The following RLF variants were observed in gnomAD, a reference collection of about 807,000 sequenced individuals.
The protein encoded by RLF is RLF zinc finger, also known as zinc finger protein Rlf.
In RLF, 7 loss-of-function variants were observed where a neutral mutation model predicts 162.9. The observed-to-expected ratio is 0.04, with a 90% CI of 0.02 to 0.08. The LOEUF (loss-of-function observed/expected upper bound fraction) is 0.08, where lower values mean the gene tolerates loss of function less well. Ranked by LOEUF, RLF falls within the 10% of genes least tolerant of loss-of-function variation. The pLI is 1.00. For synonymous variants in RLF, 782 were observed against 791.5 expected (o/e 0.99, Z 0.20); for missense variants, 1,664 against 2,244.7 (o/e 0.74, Z 5.23).
chr1:40,193,552 A>G (rs1345149696), intron 3 of RLF, among the ~76,000 whole-genome samples: 2 of 152,192 alleles, frequency 1.3e-5, no homozygotes, highest in Non-Finnish European at 1.5e-5. Flanking sequence ...AACTTTTCAC[A>G]TGGACTTTTT....
At chr1:40,205,485 C>CTTT (rs36038824) in intron 5 of RLF, among the ~76,000 whole-genome samples, 204 of 106,908 alleles carry the variant, frequency 1.9e-3, no homozygotes, top group Middle Eastern at 5.1e-3. Context: ...TTCCTTCCTT[C>CTTT]TTTTTTTTTT....
At chr1:40,201,101 T>C (rs1025357292) in intron 4 of RLF, among the ~76,000 whole-genome samples, 1 of 76,074 alleles carries the variant, frequency 1.3e-5, no homozygotes, top group African/African-American at 5.1e-5. Flanking sequence ...CCTGGGAGCT[T>C]GTGAGAAAAG....
intron 3 of RLF, among the ~76,000 whole-genome samples, chr1:40,192,140 G>A (rs2124536615): frequency 6.6e-6 from 1 of 152,256 alleles, no homozygotes; most frequent in South Asian, 2.1e-4. Flanking sequence ...CCTATTTAAA[G>A]CCCTGTAATG....
chr1:40,163,989 T>C (rs1464085849), intron 1 of RLF, among the ~76,000 whole-genome samples: 2 of 152,248 alleles, frequency 1.3e-5, no homozygotes, highest in African/African-American at 4.8e-5. Flanking sequence ...GTAAATTTTG[T>C]TGAATAGCTC....
intron 1 of RLF, among the ~76,000 whole-genome samples, chr1:40,170,937 ATTG>A (rs370148904): frequency 6.6e-6 from 1 of 152,010 alleles, no homozygotes; most frequent in African/African-American, 2.4e-5. Context: ...TTTGAGTGCT[ATTG>A]TTATTATTAT....
rs1262215887 is a variant in RLF, at chr1:40,237,845, T to C, written c.3143T>C (p.Ile1048Thr). 2.5e-6 allele frequency: 4 copies of C among 1,614,016 alleles called. No individual in the cohort carries two copies. Among genetic ancestry groups the C allele is most frequent in the African/African-American group, 1.3e-5 (1 of 74,930 alleles). ...EHQGYSSESS[I>T]CASKRPCTED... ...CAAGGTTATTCCTCAGAATCCTCCA[T>C]TTGTGCTTCTAAAAGGCCCTGTACA... The change falls in exon 8 of 8, where the codon ATT (isoleucine) becomes ACT (threonine). Residue 1048 changes from isoleucine (I) to threonine (T), a missense_variant. Transcript: ENST00000372771. This position sits in a 1 kb window ranked among gnomAD's most constrained non-coding sequence, Gnocchi z 4.4.
intron 4 of RLF, among the ~76,000 whole-genome samples, chr1:40,196,221 C>T (rs769542116): frequency 1.5e-4 from 23 of 151,532 alleles, no homozygotes; most frequent in Non-Finnish European, 2.8e-4. Context: ...TACAGGCGCG[C>T]GCCACCACGC....
chr1:40,188,871 A>G (rs1006227248), intron 1 of RLF, among the ~76,000 whole-genome samples, 184 bp from the exon 2 acceptor site: 1 of 152,238 alleles, frequency 6.6e-6, no homozygotes, highest in Non-Finnish European at 1.5e-5. Context: ...TCTTTAACTC[A>G]GCAGAAATCA....
At chr1:40,195,214 G>C (rs1040849167) in intron 3 of RLF, among the ~76,000 whole-genome samples, 26 of 151,674 alleles carry the variant, frequency 1.7e-4, no homozygotes, top group African/African-American at 5.8e-4. Flanking sequence ...ACTTTGGGAG[G>C]CCGAGGCGGG....
At chr1:40,216,871 G>A (rs1642931477) in intron 5 of RLF, among the ~76,000 whole-genome samples, 2 of 152,026 alleles carry the variant, frequency 1.3e-5, no homozygotes, top group African/African-American at 4.8e-5. Flanking sequence ...GGACAACATG[G>A]TGAAACCCCG....
Position 40,237,564 on chromosome 1 carries a change from T to G in RLF, c.2862T>G (p.Phe954Leu), listed in dbSNP as rs779843475. 1 of 1,614,184 alleles carries G rather than the reference T, an allele frequency of 6.2e-7. No homozygotes were observed. The highest frequency in any genetic ancestry group is 8.5e-7 in the Non-Finnish European group (1 of 1,179,994). ...SMAVCFDGTK[F>L]TCGFDGCGST... ...CAGTTTGTTTTGACGGGACTAAGTT[T>G]ACCTGTGGTTTTGATGGCTGTGGTT... The change falls in exon 8 of 8, where the codon TTT (phenylalanine) becomes TTG (leucine). Residue 954 changes from phenylalanine (F) to leucine (L), a missense_variant. By Grantham distance (22) the Phe-to-Leu change is conservative (BLOSUM62 0). Transcript: ENST00000372771. This position sits in a 1 kb window ranked among gnomAD's most constrained non-coding sequence, Gnocchi z 4.4.
chr1:40,200,794 A>G (rs1035342451), intron 4 of RLF, among the ~76,000 whole-genome samples: 6 of 147,054 alleles, frequency 4.1e-5, no homozygotes, highest in African/African-American at 1.5e-4. Flanking sequence ...TTAAAGGATA[A>G]TGTTACGATT....
At position 40,236,515 on chromosome 1, in the gene RLF, G is replaced by A; in HGVS notation, c.1813G>A (p.Val605Ile). ...EMFVPHVMEH[V>I]KMPPSRRDRS... The stretch of plus-strand genomic sequence containing the variant: ...GTTTGTTCCTCATGTGATGGAGCAT[G>A]TTAAAATGCCACCAAGCAGAAGGGA... Residue 605 changes from valine to isoleucine, a missense_variant, in exon 8 of 8, where the codon GTT (valine) becomes ATT (isoleucine). By Grantham distance (29) the Val-to-Ile change is conservative. Around this residue, in one of 15 missense-constraint regions of RLF, gnomAD observed 31 missense variants for 80.5 expected, o/e 0.39. Transcript: ENST00000372771. This position sits in a 1 kb window ranked among gnomAD's most constrained non-coding sequence, Gnocchi z 7.7. 6.2e-7 allele frequency: 1 copy of A among 1,613,878 alleles called. No homozygotes were observed. Among genetic ancestry groups the A allele is most frequent in the Non-Finnish European group, 8.5e-7 (1 of 1,179,962 alleles).
Position 40,239,680 on chromosome 1 carries a change from G to T in RLF, c.4978G>T (p.Val1660Leu), listed in dbSNP as rs896864149. Residue 1660 changes from valine (V) to leucine (L), a missense_variant, in exon 8 of 8, where the codon GTA (valine) becomes TTA (leucine). Around this residue, in one of 15 missense-constraint regions of RLF, gnomAD observed 327 missense variants for 342.7 expected, o/e 0.95. Transcript: ENST00000372771. Reference sequence around the variant, plus strand: ...GAAAGGGTGCATAGAAAGCAGCTCAGTATTTGATGCAGATACTCTGCTCTA... The same window carrying T: ...GAAAGGGTGCATAGAAAGCAGCTCATTATTTGATGCAGATACTCTGCTCTA... Reference protein sequence around the residue: ...GQKGCIESSSVFDADTLLYRG... With the variant: ...GQKGCIESSSLFDADTLLYRG... 1 of 1,614,212 alleles carries T rather than the reference G, an allele frequency of 6.2e-7. No homozygotes were observed. The highest frequency in any genetic ancestry group is 8.5e-7 in the Non-Finnish European group (1 of 1,180,040).
chr1:40,230,757 G>A lies in RLF; in HGVS notation c.948-760G>A, dbSNP rs534294822. Among the ~76,000 whole-genome samples the A allele has an allele frequency of 3.3e-5, 5 of 152,200 alleles. No individual in the cohort carries two copies. In the East Asian group the frequency reaches 9.6e-4, roughly 29 times the overall value. ...CGGCCTCTTTTTAGTTTTGCTATTA[G>A]AAGTGATAACATTCTTTTTAGTTTC... is the stretch of plus-strand genomic sequence containing the variant. On this transcript the variant is annotated intron_variant, in intron 6 of 7. Coordinates refer to ENST00000372771, the MANE Select transcript of RLF (RefSeq NM_012421.4).
chr1:40,235,694 C>T, intron 7 of RLF, 98 bp from the exon 8 acceptor site: 1 of 818,060 alleles, frequency 1.2e-6, no homozygotes, highest in Non-Finnish European at 1.8e-6. Context: ...AATTTAGGAA[C>T]TCTAAAAGTT....
chr1:40,214,918 CAAAA>C (rs34756935), intron 5 of RLF, among the ~76,000 whole-genome samples: 3 of 14,394 alleles, frequency 2.1e-4, no homozygotes, highest in Non-Finnish European at 4.3e-4. Context: ...GAGCCTGTCT[CAAAA>C]AAAAAAAAAA....
intron 6 of RLF, among the ~76,000 whole-genome samples, chr1:40,226,039 A>C (rs1419867045): frequency 6.6e-6 from 1 of 152,152 alleles, no homozygotes; most frequent in Non-Finnish European, 1.5e-5. Context: ...TGACACAATG[A>C]GACCCTGTCT....
At position 40,194,586 on chromosome 1, in the gene RLF, C is replaced by CA. The variant is rs554986416; in HGVS notation, c.475-1034dup. ...ACCAACAAGAGCAAAACTCCATCTC[C>CA]AAAAAAAAAAAACCAACAAAACAAA... On this transcript the variant is annotated intron_variant, in intron 3 of 7. Coordinates refer to ENST00000372771, the MANE Select transcript of RLF (RefSeq NM_012421.4). Among the ~76,000 whole-genome samples the CA allele has an allele frequency of 8.1e-3, 1,073 of 131,752 alleles. 5 individuals carry two copies. The highest frequency in any genetic ancestry group is 0.021 in the African/African-American group (762 of 36,222). 86.4% of individuals were successfully genotyped at this position (131,752 alleles called of 152,430 possible). A position where few individuals can be genotyped will look rare whatever the true frequency, so the allele number is the denominator to read the frequency against.
Sources: gnomAD v4.1 joint callset for allele counts (sites outside exome capture counted in the v4.1 genomes callset) on GRCh38, gnomAD v4.1.1 for gene constraint, gnomAD v4.1.1 regional missense constraint, Gnocchi (gnomAD v3.1) non-coding constraint, MANE v1.5 for transcripts, NCBI Gene and HGNC (gene_info 2026-07-23, HGNC 2026-07-21) for gene names.